KCTD7: variants seen among roughly 807,000 people sequenced by gnomAD.
KCTD7 encodes potassium channel tetramerization domain containing 7.
A neutral mutation model predicts 27.0 loss-of-function variants in KCTD7; 15 were observed. The ratio of observed to expected loss-of-function variants is 0.56; its 90% confidence interval spans 0.37 to 0.86. The LOEUF (loss-of-function observed/expected upper bound fraction) is 0.86. Ranked by LOEUF, KCTD7 falls within the 40% of genes least tolerant of loss-of-function variation. KCTD7 has a pLI of 0.00. For synonymous variants in KCTD7, 159 were observed against 162.7 expected (o/e 0.98, Z 0.17); for missense variants, 299 against 398.9 (o/e 0.75, Z 2.13).
Position 66,628,948 on chromosome 7 carries a change from C to T in KCTD7, c.-117C>T, listed in dbSNP as rs1234207972. On this transcript the variant is annotated 5_prime_UTR_variant, in exon 1 of 4. Transcript: ENST00000639828. Reference sequence around the variant, plus strand: ...CCCGCCTGCGCACTGCCTCTCGCCCCCCTCCGGCCAGCCCGCAGCCGGCCG... The same window carrying T: ...CCCGCCTGCGCACTGCCTCTCGCCCTCCTCCGGCCAGCCCGCAGCCGGCCG... The T allele has an allele frequency of 1.3e-5, 14 of 1,068,786 alleles. No homozygotes were observed. The South Asian group carries it at 1.5e-4, about 11-fold the overall frequency. The allele number at this position is 1,068,786 out of a possible 1,614,324, so 66.2% of individuals were successfully genotyped here.
intron 2 of KCTD7, among the ~76,000 whole-genome samples, chr7:66,636,198 G>A (rs1418917637): frequency 1.3e-5 from 2 of 152,124 alleles, no homozygotes; most frequent in African/African-American, 4.8e-5. Context: ...AGCGTCCACC[G>A]TGAAGGCTGC....
At chr7:66,632,657 C>A (rs1328219098) in intron 1 of KCTD7, among the ~76,000 whole-genome samples, 2 of 151,944 alleles carry the variant, frequency 1.3e-5, no homozygotes, top group Non-Finnish European at 2.9e-5. Flanking sequence ...TGAGCAAGAG[C>A]ACTAAGATAG....
At chr7:66,630,674 A>G (rs537941604) in intron 1 of KCTD7, among the ~76,000 whole-genome samples, 1 of 152,336 alleles carries the variant, frequency 6.6e-6, no homozygotes, top group Admixed American at 6.5e-5. Flanking sequence ...AAAATCTAGA[A>G]GTAATCTCTG....
chr7:66,630,413 T>C (rs891149010), intron 1 of KCTD7, among the ~76,000 whole-genome samples: 9 of 152,104 alleles, frequency 5.9e-5, no homozygotes, highest in African/African-American at 2.2e-4. Context: ...CAACACAGAC[T>C]CCATCTCTAC....
chr7:66,640,072 C>T lies in KCTD7; in HGVS notation c.*840C>T. 2.4e-6 allele frequency: 3 copies of T among 1,269,090 alleles called. No homozygotes were observed. The highest frequency in any genetic ancestry group is 3.1e-5 in the East Asian group (1 of 32,552). The allele number at this position is 1,269,090 out of a possible 1,614,324, so 78.6% of individuals were successfully genotyped here. The stretch of plus-strand genomic sequence containing the variant: ...TCTGTTATCTTTGACATGTAACATC[C>T]TTTTTAGAGGCTCAGAACACCTCCT... On this transcript the variant is annotated 3_prime_UTR_variant, in exon 4 of 4. Transcript: ENST00000639828.
chr7:66,641,732 A>T lies in KCTD7; in HGVS notation c.*2500A>T, dbSNP rs1786722731. The T allele has an allele frequency of 1.7e-5, 17 of 985,430 alleles. No individual in the cohort carries two copies. Among genetic ancestry groups the T allele is most frequent in the Non-Finnish European group, 2.0e-5 (17 of 829,928 alleles). The allele number at this position is 985,430 out of a possible 1,614,324, so 61.0% of individuals were successfully genotyped here. ...ATGGAGTGAAGGAATTCAGTGGCCTAGTTTCGCCATTCTCTAATGAGAAAC... is the reference window on the plus strand; with the variant it reads ...ATGGAGTGAAGGAATTCAGTGGCCTTGTTTCGCCATTCTCTAATGAGAAAC... On this transcript the variant is annotated 3_prime_UTR_variant, in exon 4 of 4. Transcript: ENST00000639828.
chr7:66,633,105 A>C (rs984736733), intron 1 of KCTD7, among the ~76,000 whole-genome samples, 170 bp from the exon 2 acceptor site: 11 of 151,594 alleles, frequency 7.3e-5, no homozygotes, highest in Non-Finnish European at 4.4e-5. Context: ...TTGGCAGATG[A>C]TGAGGGTGGG....
intron 1 of KCTD7, among the ~76,000 whole-genome samples, chr7:66,629,828 G>A (rs1365849972): frequency 1.3e-5 from 2 of 152,186 alleles, no homozygotes; most frequent in Non-Finnish European, 2.9e-5. Context: ...TGCACATAAG[G>A]GGCAGGCCAG....
chr7:66,631,469 T>C (rs1188974662), intron 1 of KCTD7, among the ~76,000 whole-genome samples: 1 of 150,726 alleles, frequency 6.6e-6, no homozygotes, highest in African/African-American at 2.4e-5. Flanking sequence ...CTTTGGAGGC[T>C]GGGGCAGCAG....
At position 66,633,334 on chromosome 7, in the gene KCTD7, A is replaced by C. The variant is rs777859099; in HGVS notation, c.204A>C (p.Thr68=). Residue 68 remains threonine (T), a synonymous_variant, in exon 2 of 4, where the codon ACA becomes ACC. Coordinates refer to ENST00000639828, the MANE Select transcript of KCTD7 (RefSeq NM_153033.5). ...GGAHFTTRLS[T]LRCYEDTMLA... ...CTCACTTCACTACACGCCTGTCCAC[A>C]CTGCGGTGCTACGAAGACACCATGT... 57 of 1,613,774 alleles carry C rather than the reference A, an allele frequency of 3.5e-5. 1 individual carries two copies. The South Asian group carries it at 6.1e-4, about 17-fold the overall frequency.
chr7:66,639,326 C>A lies in KCTD7; in HGVS notation c.*94C>A. 6.3e-7 allele frequency: 1 copy of A among 1,591,080 alleles called. No homozygotes were observed. The highest frequency in any genetic ancestry group is 2.2e-5 in the East Asian group (1 of 44,554). On this transcript the variant is annotated 3_prime_UTR_variant, in exon 4 of 4. Transcript: ENST00000639828. ...TCCCTGAAGGGGCTGCTGACTGCCCCAGAATCTGCCGAGGTGAGAACAGCA... is the reference window on the plus strand; with the variant it reads ...TCCCTGAAGGGGCTGCTGACTGCCCAAGAATCTGCCGAGGTGAGAACAGCA...
Position 66,639,293 on chromosome 7 carries a change from G to T in KCTD7, c.*61G>T. The T allele has an allele frequency of 6.3e-7, 1 of 1,599,888 alleles. No individual in the cohort carries two copies. On this transcript the variant is annotated 3_prime_UTR_variant, in exon 4 of 4. Coordinates refer to ENST00000639828, the MANE Select transcript of KCTD7 (RefSeq NM_153033.5). ...TGTCCACCTTGCTTGGTGGCTCTGG[G>T]AGTAAGATCCCTGAAGGGGCTGCTG...
intron 1 of KCTD7, among the ~76,000 whole-genome samples, chr7:66,631,163 G>A (rs1037281146): frequency 7.9e-5 from 12 of 152,134 alleles, no homozygotes; most frequent in Non-Finnish European, 1.6e-4. Flanking sequence ...TGAGCCAGGC[G>A]CTGCACAAGG....
intron 2 of KCTD7, among the ~76,000 whole-genome samples, chr7:66,634,924 G>C (rs1786551791): frequency 6.6e-6 from 1 of 152,102 alleles, no homozygotes; most frequent in African/African-American, 2.4e-5. Context: ...GCCGAGGTGG[G>C]AGGATTGGTT....
chr7:66,640,857 T>C lies in KCTD7; in HGVS notation c.*1625T>C. 1.0e-6 allele frequency: 1 copy of C among 984,068 alleles called. No individual in the cohort carries two copies. Among genetic ancestry groups the C allele is most frequent in the Middle Eastern group, 5.2e-4 (1 of 1,918 alleles). The allele number at this position is 984,068 out of a possible 1,614,324, so 61.0% of individuals were successfully genotyped here. On this transcript the variant is annotated 3_prime_UTR_variant, in exon 4 of 4. Coordinates refer to ENST00000639828, the MANE Select transcript of KCTD7 (RefSeq NM_153033.5). ...AAAATAAATAAATAAATAAATAAAT[T>C]GGGGAGGACAGCCTCACTGGTATCA...
chr7:66,642,264 C>T lies in KCTD7; in HGVS notation c.*3032C>T, dbSNP rs1488991664. 2.0e-6 allele frequency: 2 copies of T among 985,272 alleles called. No individual in the cohort carries two copies. Among genetic ancestry groups the T allele is most frequent in the Non-Finnish European group, 2.4e-6 (2 of 829,908 alleles). The allele number at this position is 985,272 out of a possible 1,614,324, so 61.0% of individuals were successfully genotyped here. A position where few individuals can be genotyped will look rare whatever the true frequency, so the allele number is the denominator to read the frequency against. On this transcript the variant is annotated 3_prime_UTR_variant, in exon 4 of 4. Coordinates refer to ENST00000639828, the MANE Select transcript of KCTD7 (RefSeq NM_153033.5). ...GGAATCATCACCTTCCTTATTTTAC[C>T]TCTGCCTTGTTCACCAGGCTGCCCA... is the stretch of plus-strand genomic sequence containing the variant.
In KCTD7 at chr7:66,640,731, G is replaced by A. The variant is rs970263426; in HGVS notation, c.*1499G>A. 53 of 1,114,092 alleles carry A rather than the reference G, an allele frequency of 4.8e-5. No individual in the cohort carries two copies. Among genetic ancestry groups the A allele is most frequent in the Non-Finnish European group, 5.6e-5 (51 of 911,452 alleles). The allele number at this position is 1,114,092 out of a possible 1,614,324, so 69.0% of individuals were successfully genotyped here. On this transcript the variant is annotated 3_prime_UTR_variant, in exon 4 of 4. Coordinates refer to ENST00000639828, the MANE Select transcript of KCTD7 (RefSeq NM_153033.5). Reference sequence around the variant, plus strand: ...TGTAGTACCAGCTACTCTGGAGGCTGAGGCAGGAGGATCACTTGAGCCCAG... The same window carrying A: ...TGTAGTACCAGCTACTCTGGAGGCTAAGGCAGGAGGATCACTTGAGCCCAG...
Position 66,641,669 on chromosome 7 carries a change from G to A in KCTD7, c.*2437G>A. ...GCTCTGGGCCAGTAGAACAGGCAGA[G>A]AGGTGACACTGGGCAGCAAGCTGAG... On this transcript the variant is annotated 3_prime_UTR_variant, in exon 4 of 4. Transcript: ENST00000639828. The A allele has an allele frequency of 1.0e-6, 1 of 985,446 alleles. No individual in the cohort carries two copies. Among genetic ancestry groups the A allele is most frequent in the Non-Finnish European group, 1.2e-6 (1 of 829,938 alleles). The allele number at this position is 985,446 out of a possible 1,614,324, so 61.0% of individuals were successfully genotyped here. A position where few individuals can be genotyped will look rare whatever the true frequency, so the allele number is the denominator to read the frequency against.
chr7:66,634,364 C>A (rs556706103), intron 2 of KCTD7, among the ~76,000 whole-genome samples: 1 of 149,838 alleles, frequency 6.7e-6, no homozygotes, highest in South Asian at 2.1e-4. Flanking sequence ...GTTTTTTTTT[C>A]GGGGGCTGTT....
Sources: allele counts gnomAD v4.1 joint callset (sites outside exome capture counted in the v4.1 genomes callset), GRCh38; gene constraint gnomAD v4.1.1; transcripts MANE v1.5; gene names NCBI Gene and HGNC (gene_info 2026-07-23, HGNC 2026-07-21).